The following TPRG1 variants were observed in gnomAD, a reference collection of about 807,000 sequenced individuals.
The protein encoded by TPRG1 is tumor protein p63-regulated gene 1 protein.
A neutral mutation model predicts 29.3 loss-of-function variants in TPRG1; 29 were observed. The ratio of observed to expected loss-of-function variants is 0.99; its 90% confidence interval spans 0.74 to 1.35. The LOEUF (loss-of-function observed/expected upper bound fraction) is 1.35. TPRG1 is among the 40% of genes most tolerant of loss of function. The pLI is 0.00. For missense variants in TPRG1, 327 were observed against 335.0 expected (o/e 0.98, Z 0.19); for synonymous variants, 130 against 116.8 (o/e 1.11, Z -0.73).
At chr3:189,152,816 A>T (rs1189967843) in intron 5 of TPRG1, among the ~76,000 whole-genome samples, 1 of 151,620 alleles carries the variant, frequency 6.6e-6, no homozygotes, top group Non-Finnish European at 1.5e-5. Context: ...CATTATTATT[A>T]AAAAGTAGGA....
At chr3:189,079,262 TGACCCCGA>T (rs1717427613) in intron 4 of TPRG1, among the ~76,000 whole-genome samples, 1 of 152,150 alleles carries the variant, frequency 6.6e-6, no homozygotes, top group South Asian at 2.1e-4. Context: ...TCTGCCCACA[TGACCCCGA>T]CACCTCCCAC....
At chr3:189,129,866 A>G (rs1722912338) in intron 2 of TPRG1, among the ~76,000 whole-genome samples, 1 of 152,194 alleles carries the variant, frequency 6.6e-6, no homozygotes, top group Non-Finnish European at 1.5e-5. Flanking sequence ...TTTTACTAAC[A>G]TTGATCAAAC....
chr3:189,214,710 G>A (rs1036718975), intron 2 of TPRG1, among the ~76,000 whole-genome samples: 3 of 152,226 alleles, frequency 2.0e-5, no homozygotes, highest in Admixed American at 6.5e-5. Context: ...TGATTCTGAC[G>A]GGCATTGAAA....
At chr3:189,057,835 TATGTATGTGTGTATATATATAC>T (rs1715820999) in intron 4 of TPRG1, among the ~76,000 whole-genome samples, 1 of 144,816 alleles carries the variant, frequency 6.9e-6, no homozygotes, top group South Asian at 2.2e-4. Flanking sequence ...TATACACACA[TATGTATGTGTGTATATATATAC>T]ACACATACGT....
At chr3:189,250,515 C>CCG (rs1478440001) in intron 4 of TPRG1, among the ~76,000 whole-genome samples, 4 of 106,704 alleles carry the variant, frequency 3.7e-5, no homozygotes, top group African/African-American at 6.3e-5. Context: ...CCCCCCCCCC[C>CCG]CCACCCAGAT....
chr3:189,026,764 C>T (rs1713683497), intron 4 of TPRG1, among the ~76,000 whole-genome samples: 1 of 152,044 alleles, frequency 6.6e-6, no homozygotes, highest in Admixed American at 6.5e-5. Context: ...GAGTTTTGAG[C>T]TGAAGAATAA....
At chr3:189,026,298 G>T (rs1256739957) in intron 4 of TPRG1, among the ~76,000 whole-genome samples, 1 of 152,100 alleles carries the variant, frequency 6.6e-6, no homozygotes, top group East Asian at 1.9e-4. Context: ...AGTGAGCTCT[G>T]GTGTCTCTTC....
intron 4 of TPRG1, among the ~76,000 whole-genome samples, chr3:189,089,274 A>G (rs1718180873): frequency 1.3e-5 from 2 of 152,092 alleles, no homozygotes; most frequent in African/African-American, 2.4e-5. Context: ...TACTCTGATT[A>G]TTTTTTCAAT....
intron 3 of TPRG1, among the ~76,000 whole-genome samples, chr3:189,134,596 T>C (rs1723515591): frequency 6.6e-6 from 1 of 151,016 alleles, no homozygotes; most frequent in Non-Finnish European, 1.5e-5. Context: ...TTATAAAATT[T>C]TGTAGAGTTG....
intron 4 of TPRG1, among the ~76,000 whole-genome samples, chr3:189,293,880 C>T (rs1213741847): frequency 6.6e-6 from 1 of 152,170 alleles, no homozygotes; most frequent in East Asian, 1.9e-4. Flanking sequence ...AAAGCCACGG[C>T]CCAGTTCATA....
intron 1 of TPRG1, among the ~76,000 whole-genome samples, chr3:189,186,248 ATGT>A (rs1730902936): frequency 6.6e-6 from 1 of 152,148 alleles, no homozygotes. Flanking sequence ...ATGACCCGAA[ATGT>A]TGTGATTGGT....
At chr3:189,123,651 T>A (rs914643052) in intron 1 of TPRG1, 6 of 152,234 alleles carry the variant, frequency 3.9e-5, no homozygotes, top group Non-Finnish European at 7.3e-5. Context: ...TTCTTCTGAA[T>A]GAAGCAATTA....
At chr3:189,094,895 G>A (rs1718573595) in intron 4 of TPRG1, among the ~76,000 whole-genome samples, 1 of 152,122 alleles carries the variant, frequency 6.6e-6, no homozygotes, top group Admixed American at 6.5e-5. Flanking sequence ...GAGGCAGGGA[G>A]CAGGCCCATC....
chr3:189,095,586 G>A (rs563341065), upstream of TPRG1, among the ~76,000 whole-genome samples: 8 of 152,200 alleles, frequency 5.3e-5, no homozygotes, highest in South Asian at 6.2e-4. Context: ...GGAAAGCTTC[G>A]CCAACTTCAG....
intron 4 of TPRG1, among the ~76,000 whole-genome samples, chr3:189,305,238 T>G (rs1721442473): frequency 6.6e-6 from 1 of 152,226 alleles, no homozygotes; most frequent in African/African-American, 2.4e-5. Context: ...CAAGAGGACC[T>G]GTGGCTTCTC....
At chr3:189,179,202 A>G (rs567888231) in intron 1 of TPRG1, among the ~76,000 whole-genome samples, 7 of 152,320 alleles carry the variant, frequency 4.6e-5, no homozygotes, top group African/African-American at 1.7e-4. Flanking sequence ...TTCTTTTTAC[A>G]TGGAGCTGCA....
At chr3:189,247,825 T>C (rs935029946) in intron 4 of TPRG1, among the ~76,000 whole-genome samples, 1 of 151,980 alleles carries the variant, frequency 6.6e-6, no homozygotes, top group African/African-American at 2.4e-5. Flanking sequence ...TTGAAACATT[T>C]TGGCAGGTTC....
chr3:189,058,253 G>A (rs1715865403), intron 4 of TPRG1, among the ~76,000 whole-genome samples: 1 of 152,148 alleles, frequency 6.6e-6, no homozygotes, highest in African/African-American at 2.4e-5. Context: ...GAGCTGAAGT[G>A]TCAACATTGC....
At chr3:189,310,692 C>T (rs12638563) in intron 5 of TPRG1, among the ~76,000 whole-genome samples, 153 bp downstream of exon 5, 14,701 of 151,014 alleles carry the variant, frequency 0.097, 906 homozygotes, top group East Asian at 0.19. Flanking sequence ...TAGACAAAAA[C>T]GGTAATAGGT....
Sources: allele counts gnomAD v4.1 joint callset (sites outside exome capture counted in the v4.1 genomes callset), GRCh38; gene constraint gnomAD v4.1.1; transcripts MANE v1.5; gene names NCBI Gene and HGNC (gene_info 2026-07-23, HGNC 2026-07-21).